Variants in LPXN observed in about 807,000 individuals in gnomAD.
The protein encoded by LPXN is leupaxin.
In LPXN, 28 loss-of-function variants were observed where a neutral mutation model predicts 45.6. The observed-to-expected ratio is 0.61, with a 90% CI of 0.45 to 0.84. LPXN has a LOEUF of 0.84. LPXN is among the 40% of genes least tolerant of loss of function. LPXN has a pLI of 0.00. For synonymous variants in LPXN, 166 were observed against 169.9 expected (o/e 0.98, Z 0.18); for missense variants, 459 against 475.0 (o/e 0.97, Z 0.31).
intron 2 of LPXN, among the ~76,000 whole-genome samples, chr11:58,564,590 CAT>C (rs1217216595): frequency 1.3e-5 from 2 of 152,094 alleles, no homozygotes; most frequent in African/African-American, 2.4e-5. Flanking sequence ...AAAGAAATAA[CAT>C]GTGAATCTAA....
At position 58,551,110 on chromosome 11, in the gene LPXN, C is replaced by A. The variant is rs190041968; in HGVS notation, c.441G>T (p.Val147=). 11 of 1,606,492 alleles carry A rather than the reference C, an allele frequency of 6.8e-6. No individual in the cohort carries two copies. The highest frequency in any genetic ancestry group is 9.3e-6 in the Non-Finnish European group (11 of 1,176,494). ...QELQDLGIAT[V]PKGHCASCQK... ...GGCAGGATGCACAATGGCCCTTGGG[C>A]ACTGTGGCAATGCCAAGGTCCTGCA... Residue 147 remains valine, a synonymous_variant, in exon 5 of 9, where the codon GTG becomes GTT. Coordinates refer to ENST00000395074, the MANE Select transcript of LPXN (RefSeq NM_004811.3).
chr11:58,528,258 A>T, intron 7 of LPXN, 67 bp from the exon 8 acceptor site: 5 of 1,465,726 alleles, frequency 3.4e-6, no homozygotes, highest in Non-Finnish European at 4.7e-6. Context: ...GGAGACTGAG[A>T]GGAGGCCCTT....
At chr11:58,561,995 C>G (rs1468327408) in intron 3 of LPXN, among the ~76,000 whole-genome samples, 11 of 152,202 alleles carry the variant, frequency 7.2e-5, no homozygotes. Context: ...TCATCAGCAG[C>G]AACTTACTTC....
chr11:58,577,689 T>C (rs527438705), upstream of LPXN, among the ~76,000 whole-genome samples: 1 of 151,884 alleles, frequency 6.6e-6, no homozygotes, highest in Non-Finnish European at 1.5e-5. Context: ...ATAAAGTTGC[T>C]ATTGTATAAA....
At chr11:58,573,873 GA>G (rs1246576043) in intron 1 of LPXN, among the ~76,000 whole-genome samples, 1 of 152,140 alleles carries the variant, frequency 6.6e-6, no homozygotes, top group Non-Finnish European at 1.5e-5. Context: ...ATTTCATTCG[GA>G]GGCAGAATCT....
rs1854041650 is a variant in LPXN, at chr11:58,551,198, AAGT to A, written c.350_352del (p.His117del). On this transcript the variant is annotated inframe_deletion, in exon 5 of 9. Coordinates refer to ENST00000395074, the MANE Select transcript of LPXN (RefSeq NM_004811.3). Reference sequence around the variant, plus strand: ...GGCCTTGTGATCCTGCTTGTCTGGTAAGTGCTTCTTGCCAGCATCTGCTCTCAC... The same window carrying A: ...GGCCTTGTGATCCTGCTTGTCTGGTAGCTTCTTGCCAGCATCTGCTCTCAC... 4 of 1,611,018 alleles carry A rather than the reference AAGT, an allele frequency of 2.5e-6. No individual in the cohort carries two copies. The highest frequency in any genetic ancestry group is 3.4e-6 in the Non-Finnish European group (4 of 1,178,718).
intron 5 of LPXN, among the ~76,000 whole-genome samples, chr11:58,550,770 G>A (rs950865946): frequency 2.0e-5 from 3 of 152,094 alleles, no homozygotes; most frequent in Admixed American, 6.6e-5. Flanking sequence ...ACAGTCTCCT[G>A]GTTTCAGATC....
chr11:58,574,027 CG>C (rs1014251055), intron 1 of LPXN, among the ~76,000 whole-genome samples: 5 of 144,762 alleles, frequency 3.5e-5, no homozygotes, highest in African/African-American at 1.3e-4. Context: ...AACCTGTCCT[CG>C]ATGCCATTTC....
At chr11:58,528,748 A>C (rs186502375) in intron 7 of LPXN, among the ~76,000 whole-genome samples, 3 of 152,376 alleles carry the variant, frequency 2.0e-5, no homozygotes, top group East Asian at 1.9e-4. Flanking sequence ...TTAAAATAAA[A>C]TACTACTAAA....
chr11:58,552,886 G>A (rs74392216), intron 4 of LPXN, among the ~76,000 whole-genome samples: 3,849 of 152,150 alleles, frequency 0.025, 67 homozygotes, highest in African/African-American at 0.031. Flanking sequence ...TTATCTTCCA[G>A]AATACTTCTG....
At chr11:58,575,953 TTC>T, upstream of LPXN, 1 of 1,432,654 alleles carries the variant, frequency 7.0e-7, no homozygotes, top group Non-Finnish European at 9.1e-7. Flanking sequence ...TTTTTTTTTT[TTC>T]ATAGGTTACA....
chr11:58,573,912 C>A, intron 1 of LPXN, among the ~76,000 whole-genome samples: 1 of 152,130 alleles, frequency 6.6e-6, no homozygotes, highest in East Asian at 1.9e-4. Context: ...ATCTATCATG[C>A]CTAATGCCTA....
chr11:58,564,643 ATGT>A, intron 2 of LPXN, among the ~76,000 whole-genome samples: 1 of 152,214 alleles, frequency 6.6e-6, no homozygotes, highest in African/African-American at 2.4e-5. Context: ...TTGAACAAAT[ATGT>A]ATTGAGGGCC....
intron 7 of LPXN, among the ~76,000 whole-genome samples, chr11:58,541,912 T>C (rs1326076344): frequency 6.6e-6 from 1 of 151,864 alleles, no homozygotes; most frequent in Non-Finnish European, 1.5e-5. Flanking sequence ...AAATTGGAAA[T>C]CATCATTCTC....
chr11:58,573,283 A>C (rs1288225618), intron 1 of LPXN, among the ~76,000 whole-genome samples: 3 of 151,856 alleles, frequency 2.0e-5, no homozygotes, highest in Non-Finnish European at 4.4e-5. Context: ...AAAGAAAAAG[A>C]AAAGAAAACT....
At chr11:58,551,282 A>C in intron 4 of LPXN, 50 bp from the exon 5 acceptor site, 487 of 1,479,734 alleles carry the variant, frequency 3.3e-4, no homozygotes, top group Non-Finnish European at 3.9e-4. Flanking sequence ...TTTTATTCTC[A>C]TTGGCATCTT....
intron 5 of LPXN, 45 bp downstream of exon 5, chr11:58,551,020 G>A (rs1225822917): frequency 6.7e-7 from 1 of 1,490,904 alleles, no homozygotes; most frequent in Non-Finnish European, 8.9e-7. Flanking sequence ...ATGAGACAGA[G>A]AGAGACAAAG....
At chr11:58,578,106 G>A, upstream of LPXN, 16 of 1,531,110 alleles carry the variant, frequency 1.0e-5, no homozygotes, top group Non-Finnish European at 1.4e-5. Context: ...GCAAGTCTGG[G>A]CAGTTACGCA....
chr11:58,534,010 C>T (rs181384463), intron 7 of LPXN, among the ~76,000 whole-genome samples: 26 of 152,208 alleles, frequency 1.7e-4, no homozygotes, highest in African/African-American at 6.0e-4. Flanking sequence ...ACAGGAGCAC[C>T]CAGATTCATA....
Sources: gnomAD v4.1 joint callset for allele counts (sites outside exome capture counted in the v4.1 genomes callset) on GRCh38, gnomAD v4.1.1 for gene constraint, MANE v1.5 for transcripts, NCBI Gene and HGNC (gene_info 2026-07-23, HGNC 2026-07-21) for gene names.